The following ATP12A variants were observed in gnomAD, a reference collection of about 807,000 sequenced individuals.
ATP12A encodes potassium-transporting ATPase alpha chain 2.
A neutral mutation model predicts 111.2 loss-of-function variants in ATP12A; 81 were observed. That is an observed-to-expected ratio of 0.73 (90% CI 0.61 to 0.88). The LOEUF is 0.88. ATP12A is among the 40% of genes least tolerant of loss of function. The pLI is 0.00. For missense variants in ATP12A, 1,196 were observed against 1,313.1 expected (o/e 0.91, Z 1.38); for synonymous variants, 498 against 499.8 (o/e 1.00, Z 0.05).
chr13:24,709,632 G>A (rs1875872985), intron 18 of ATP12A, 51 bp from the exon 19 acceptor site: 1 of 1,602,714 alleles, frequency 6.2e-7, no homozygotes, highest in Non-Finnish European at 8.5e-7. Flanking sequence ...GGATGAGGCA[G>A]TTTCCTGAGG....
In ATP12A at chr13:24,691,074, C is replaced by T. The variant is rs1874878730; in HGVS notation, c.892C>T (p.Pro298Ser). ...CTCAGGAGTTGGAAATGAGAAGACG[C>T]CCATTGCCATTGAGATCGAGCACTT... ...LASGVGNEKT[P>S]IAIEIEHFVH... The change falls in exon 8 of 23, where the codon CCC becomes TCC. Residue 298 changes from proline to serine, a missense_variant. Coordinates refer to ENST00000381946, the MANE Select transcript of ATP12A (RefSeq NM_001676.7). 6.2e-7 allele frequency: 1 copy of T among 1,614,230 alleles called. No homozygotes were observed. The highest frequency in any genetic ancestry group is 8.5e-7 in the Non-Finnish European group (1 of 1,180,046).
intron 14 of ATP12A, 133 bp from the exon 15 acceptor site, chr13:24,706,180 C>T: frequency 8.4e-7 from 1 of 1,189,588 alleles, no homozygotes; most frequent in South Asian, 1.6e-5. Flanking sequence ...TGTTACCTCA[C>T]TAGAGCATTA....
intron 8 of ATP12A, among the ~76,000 whole-genome samples, 180 bp downstream of exon 8, chr13:24,691,430 T>C (rs7987005): frequency 6.6e-6 from 1 of 152,228 alleles, no homozygotes; most frequent in Non-Finnish European, 1.5e-5. Context: ...ATTTGTCATA[T>C]TTTCAATATT....
In ATP12A at chr13:24,681,576, T is replaced by TAG. The variant is rs768585155; in HGVS notation, c.24_25insAG (p.Tyr9SerfsTer13). ...TTCTCTTTCAGAAAACCCCAGAAATTTACTCCGTGGAGCTCAGCGGAACTA... is the reference window on the plus strand; with the variant it reads ...TTCTCTTTCAGAAAACCCCAGAAATTAGTACTCCGTGGAGCTCAGCGGAACTA... On this transcript the variant is annotated frameshift_variant, in exon 2 of 23. Transcript: ENST00000381946. LOFTEE classifies it high-confidence loss of function. 3 of 1,611,074 alleles carry TAG rather than the reference T, an allele frequency of 1.9e-6. No homozygotes were observed. The African/African-American group carries it at 4.0e-5, about 22-fold the overall frequency.
In ATP12A at chr13:24,706,879, T is replaced by A. The variant is rs1202948216; in HGVS notation, c.2170-144T>A. The A allele has an allele frequency of 3.3e-6, 3 of 920,396 alleles. No individual in the cohort carries two copies. The East Asian group carries it at 8.1e-5, about 25-fold the overall frequency. 57.0% of individuals were successfully genotyped at this position (920,396 alleles called of 1,614,324 possible). On this transcript the variant is annotated intron_variant, in intron 15 of 22. Transcript: ENST00000381946. ...TCCTGCTTCTAAGATTTCTCATCTT[T>A]ATCTTTTCCCCTAAATGGGCCTTTC...
chr13:24,685,426 G>C lies in ATP12A; in HGVS notation c.228+53G>C. The C allele has an allele frequency of 1.3e-6, 2 of 1,580,254 alleles. No individual in the cohort carries two copies. Among genetic ancestry groups the C allele is most frequent in the Non-Finnish European group, 1.7e-6 (2 of 1,149,176 alleles). The stretch of plus-strand genomic sequence containing the variant: ...AGAGAAGCCTCCCAACTCTACAGAG[G>C]GAAGGCTGTGTGTGGCGGGGGGCTG... On this transcript the variant is annotated intron_variant, in intron 3 of 22. Transcript: ENST00000381946. This position sits in a 1 kb window ranked among gnomAD's most constrained non-coding sequence, Gnocchi z 5.5.
intron 14 of ATP12A, chr13:24,704,544 T>G (rs1875534319): frequency 6.4e-6 from 1 of 156,038 alleles, no homozygotes; most frequent in Non-Finnish European, 1.4e-5. Flanking sequence ...GGCACATTTC[T>G]TCCTATAAAC....
rs374323922 is a variant in ATP12A at position 24,711,533 on chromosome 13, C to T, written c.*11C>T. On this transcript the variant is annotated 3_prime_UTR_variant, in exon 23 of 23. Transcript: ENST00000381946. Reference sequence around the variant, plus strand: ...AACATGTATTATTAAGACCACCTCCCTTCCTATGTCTCTCAGCAGCACGTT... The same window carrying T: ...AACATGTATTATTAAGACCACCTCCTTTCCTATGTCTCTCAGCAGCACGTT... The T allele has an allele frequency of 6.2e-6, 10 of 1,614,044 alleles. No individual in the cohort carries two copies. The African/African-American group carries it at 6.7e-5, about 11-fold the overall frequency.
At chr13:24,693,495 C>T (rs1874998865) in intron 10 of ATP12A, among the ~76,000 whole-genome samples, 1 of 152,162 alleles carries the variant, frequency 6.6e-6, no homozygotes, top group African/African-American at 2.4e-5. Flanking sequence ...CTCCGTCAGA[C>T]AGCTCATGAA....
Position 24,685,579 on chromosome 13 carries a change from G to C in ATP12A, c.228+206G>C, listed in dbSNP as rs772670656. ...CTGTGGGGCTCACACTGGCCTGGCA[G>C]TGAGAGGGACCAAGAGGGACAGATG... On this transcript the variant is annotated intron_variant, in intron 3 of 22. Transcript: ENST00000381946. The surrounding 1 kb of genome is among the most constrained non-coding windows in gnomAD (Gnocchi z 5.5). Among the ~76,000 whole-genome samples the C allele has an allele frequency of 6.6e-6, 1 of 152,190 alleles. No homozygotes were observed. The highest frequency in any genetic ancestry group is 1.9e-4 in the East Asian group (1 of 5,186).
rs1484552980 is a variant in ATP12A, at chr13:24,685,391, G to C, written c.228+18G>C. 6.2e-7 allele frequency: 1 copy of C among 1,612,994 alleles called. No individual in the cohort carries two copies. The highest frequency in any genetic ancestry group is 1.1e-5 in the South Asian group (1 of 91,064). On this transcript the variant is annotated intron_variant, in intron 3 of 22. Coordinates refer to ENST00000381946, the MANE Select transcript of ATP12A (RefSeq NM_001676.7). The surrounding 1 kb of genome is among the most constrained non-coding windows in gnomAD (Gnocchi z 5.5). Reference sequence around the variant, plus strand: ...TCATTATGGTGAGTCGTGGGAACCAGGGATTTGGAAGAGAAGCCTCCCAAC... The same window carrying C: ...TCATTATGGTGAGTCGTGGGAACCACGGATTTGGAAGAGAAGCCTCCCAAC...
intron 2 of ATP12A, among the ~76,000 whole-genome samples, chr13:24,681,939 T>TGG (rs1874456442): frequency 7.6e-6 from 1 of 131,450 alleles, no homozygotes; most frequent in African/African-American, 3.1e-5. Flanking sequence ...GTGTAGTGTG[T>TGG]GGTGTGTGTG....
In ATP12A at chr13:24,706,448, G is replaced by A. The variant is rs1364952503; in HGVS notation, c.2154G>A (p.Glu718=). 5.0e-6 allele frequency: 8 copies of A among 1,613,942 alleles called. No homozygotes were observed. Among genetic ancestry groups the A allele is most frequent in the Non-Finnish European group, 6.8e-6 (8 of 1,179,944 alleles). Residue 718 remains glutamate, a synonymous_variant, in exon 15 of 23, where the codon GAG becomes GAA. Coordinates refer to ENST00000381946, the MANE Select transcript of ATP12A (RefSeq NM_001676.7). Reference sequence around the variant, plus strand: ...CCCAGCAGAAGCTGATCATTGTGGAGGGCTGTCAGAGGCAGGTGGGTGGAC... The same window carrying A: ...CCCAGCAGAAGCTGATCATTGTGGAAGGCTGTCAGAGGCAGGTGGGTGGAC... ...TSPQQKLIIV[E]GCQRQDAVVA...
At chr13:24,702,703 G>C (rs1015118702) in intron 14 of ATP12A, among the ~76,000 whole-genome samples, 5 of 152,124 alleles carry the variant, frequency 3.3e-5, no homozygotes, top group Admixed American at 1.3e-4. Flanking sequence ...CTATATACCA[G>C]GCAAGACCTG....
intron 13 of ATP12A, 96 bp downstream of exon 13, chr13:24,701,018 T>G (rs1875371697): frequency 5.4e-6 from 7 of 1,295,410 alleles, no homozygotes; most frequent in Non-Finnish European, 3.2e-6. Flanking sequence ...TTTAGGTGTC[T>G]TCAAGTAAAT....
intron 11 of ATP12A, among the ~76,000 whole-genome samples, chr13:24,694,896 CACT>C (rs1875072442): frequency 6.6e-6 from 1 of 152,038 alleles, no homozygotes; most frequent in Admixed American, 6.6e-5. Context: ...CTCACACCAC[CACT>C]ATCAGGTACC....
intron 2 of ATP12A, among the ~76,000 whole-genome samples, chr13:24,683,432 G>C (rs1007959068): frequency 5.9e-5 from 9 of 152,218 alleles, no homozygotes; most frequent in Non-Finnish European, 5.9e-5. Flanking sequence ...TTTTGTGCTA[G>C]AGAGCCATTT....
chr13:24,681,719 T>C lies in ATP12A; in HGVS notation c.167T>C (p.Leu56Pro). 1 of 1,614,170 alleles carries C rather than the reference T, an allele frequency of 6.2e-7. No individual in the cohort carries two copies. The highest frequency in any genetic ancestry group is 8.5e-7 in the Non-Finnish European group (1 of 1,180,012). ...GAGGAGTTTCAGAAAGAACTCCATC[T>C]GGTCAGTAGCCTTAAGCCACGGGGT... ...HKEEFQKELH[L>P]DDHKLSNREL... The change falls in exon 2 of 23, where the codon CTG becomes CCG. Residue 56 changes from leucine to proline, a missense_variant and splice_region_variant. This residue lies in a region of ATP12A where 67 missense variants were observed against 64.0 expected (regional missense o/e 1.05). Transcript: ENST00000381946.
intron 5 of ATP12A, among the ~76,000 whole-genome samples, chr13:24,689,614 G>A (rs942322031): frequency 9.9e-5 from 15 of 152,216 alleles, no homozygotes; most frequent in African/African-American, 3.4e-4. Flanking sequence ...CTGCTCCTCA[G>A]TGTTTGTGGA....
Sources: gnomAD v4.1 joint callset for allele counts (sites outside exome capture counted in the v4.1 genomes callset) on GRCh38, gnomAD v4.1.1 for gene constraint, gnomAD v4.1.1 regional missense constraint, Gnocchi (gnomAD v3.1) non-coding constraint, MANE v1.5 for transcripts, NCBI Gene and HGNC (gene_info 2026-07-23, HGNC 2026-07-21) for gene names.